ENKD1: variants seen among roughly 807,000 people sequenced by gnomAD.
The protein encoded by ENKD1 is enkurin domain-containing protein 1.
ENKD1 carries 39 observed loss-of-function variants against 35.8 expected under a neutral mutation model. The ratio of observed to expected loss-of-function variants is 1.09; its 90% CI spans 0.84 to 1.42. ENKD1 has a LOEUF of 1.42. ENKD1 is among the 40% of genes most tolerant of loss of function. The pLI, the probability that ENKD1 is intolerant of heterozygous loss-of-function variation, is 0.00. For missense variants in ENKD1, 474 were observed against 471.3 expected (o/e 1.01, Z -0.05); for synonymous variants, 205 against 198.6 (o/e 1.03, Z -0.27).
At chr16:67,663,880 C>G in intron 4 of ENKD1, 57 bp downstream of exon 4, 1 of 1,602,850 alleles carries the variant, frequency 6.2e-7, no homozygotes, top group Non-Finnish European at 8.5e-7. Context: ...CCCTGAACAC[C>G]CCCCCCACAC....
chr16:67,665,032 G>A lies in ENKD1; in HGVS notation c.417C>T (p.Tyr139=), dbSNP rs778430002. The A allele has an allele frequency of 9.9e-6, 16 of 1,612,652 alleles. No homozygotes were observed. Among genetic ancestry groups the A allele is most frequent in the East Asian group, 2.2e-5 (1 of 44,848 alleles). Residue 139 remains tyrosine, a synonymous_variant, in exon 3 of 7, where the codon TAC becomes TAT. Transcript: ENST00000243878. ...PLKALWRSPK[Y]DKVESRVKAQ... ...CCTTGACCCGGGACTCCACCTTGTCGTACTTGGGTGAGCGCCACAGAGCTT... is the reference window on the plus strand; with the variant it reads ...CCTTGACCCGGGACTCCACCTTGTCATACTTGGGTGAGCGCCACAGAGCTT...
rs1256160160 is a variant in ENKD1, at chr16:67,663,019, TG to T, written c.*141del. 2.6e-5 allele frequency: 25 copies of T among 971,772 alleles called. No homozygotes were observed. Among genetic ancestry groups the T allele is most frequent in the Non-Finnish European group, 3.7e-5 (25 of 671,422 alleles). 60.2% of individuals were successfully genotyped at this position (971,772 alleles called of 1,614,324 possible). A position where few individuals can be genotyped will look rare whatever the true frequency, so the allele number is the denominator to read the frequency against. On this transcript the variant is annotated 3_prime_UTR_variant, in exon 7 of 7. Coordinates refer to ENST00000243878, the MANE Select transcript of ENKD1 (RefSeq NM_032140.3). Reference sequence around the variant, plus strand: ...TGGCCCTTCTGCAGCCACTGGTGACTGGGAAGAGTGCTCTAGGGACACTGGC... The same window carrying T: ...TGGCCCTTCTGCAGCCACTGGTGACTGGAAGAGTGCTCTAGGGACACTGGC...
chr16:67,666,282 G>A lies in ENKD1; in HGVS notation c.86-17C>T, dbSNP rs1259783832. Reference sequence around the variant, plus strand: ...GCCCTTGAGCTGTGGGGCGGAGCCGGGCGGAGTCCGGGGCTCAGAGGTGGA... The same window carrying A: ...GCCCTTGAGCTGTGGGGCGGAGCCGAGCGGAGTCCGGGGCTCAGAGGTGGA... On this transcript the variant is annotated splice_polypyrimidine_tract_variant and intron_variant, in intron 1 of 6. Coordinates refer to ENST00000243878, the MANE Select transcript of ENKD1 (RefSeq NM_032140.3). The A allele has an allele frequency of 6.2e-7, 1 of 1,600,104 alleles. No homozygotes were observed. Among genetic ancestry groups the A allele is most frequent in the East Asian group, 2.2e-5 (1 of 44,634 alleles).
chr16:67,663,834 C>T lies in ENKD1; in HGVS notation c.580-14G>A. 2 of 1,603,220 alleles carry T rather than the reference C, an allele frequency of 1.2e-6. No homozygotes were observed. The highest frequency in any genetic ancestry group is 1.7e-6 in the Non-Finnish European group (2 of 1,174,744). On this transcript the variant is annotated splice_polypyrimidine_tract_variant and intron_variant, in intron 4 of 6. Coordinates refer to ENST00000243878, the MANE Select transcript of ENKD1 (RefSeq NM_032140.3). Reference sequence around the variant, plus strand: ...CAGGCCTGGCTCCTGCAGGACACAGCAAGCGTGGGTGGGGGCAGACAGCAT... The same window carrying T: ...CAGGCCTGGCTCCTGCAGGACACAGTAAGCGTGGGTGGGGGCAGACAGCAT...
intron 2 of ENKD1, 94 bp downstream of exon 2, chr16:67,665,977 C>G: frequency 7.3e-7 from 1 of 1,372,590 alleles, no homozygotes; most frequent in Admixed American, 2.2e-5. Flanking sequence ...AGATGCAAAG[C>G]CTGGGCCCAC....
In ENKD1 at chr16:67,663,168, T is replaced by G. The variant is rs1481687710; in HGVS notation, c.1034A>C (p.Asp345Ala). 1.2e-6 allele frequency: 2 copies of G among 1,613,976 alleles called. No homozygotes were observed. Among genetic ancestry groups the G allele is most frequent in the Non-Finnish European group, 1.7e-6 (2 of 1,180,014 alleles). ...FSRPKVFVKM[D>A]D is the part of the protein sequence containing the mutation. ...ACTGTCCCCCAAAGGGGCTCAGTCGTCCATCTTCACGAAGACTTTGGGCCG... is the reference window on the plus strand; with the variant it reads ...ACTGTCCCCCAAAGGGGCTCAGTCGGCCATCTTCACGAAGACTTTGGGCCG... The change falls in exon 7 of 7, where the codon GAC becomes GCC. Residue 345 changes from aspartate to alanine, a missense_variant. Coordinates refer to ENST00000243878, the MANE Select transcript of ENKD1 (RefSeq NM_032140.3).
In ENKD1 at chr16:67,666,663, C is replaced by T. The variant is rs1180858844; in HGVS notation, c.-221G>A. ...GCCCACTTCTCGGTCCCGCTCGCGG[C>T]CTCTCCCCCGCGGCACTCGGGCAGG... is the stretch of plus-strand genomic sequence containing the variant. On this transcript the variant is annotated 5_prime_UTR_variant, in exon 1 of 7. Coordinates refer to ENST00000243878, the MANE Select transcript of ENKD1 (RefSeq NM_032140.3). 1.2e-5 allele frequency: 6 copies of T among 509,074 alleles called. No individual in the cohort carries two copies. In the Admixed American group the frequency reaches 2.0e-4, roughly 17 times the overall value. The allele number at this position is 509,074 out of a possible 1,614,324, so 31.5% of individuals were successfully genotyped here.
intron 4 of ENKD1, 27 bp from the exon 5 acceptor site, chr16:67,663,847 G>A: frequency 1.2e-6 from 2 of 1,601,650 alleles, no homozygotes; most frequent in Non-Finnish European, 8.5e-7. Context: ...GCGTGGGTGG[G>A]GGCAGACAGC....
chr16:67,663,885 C>CA (rs1362402391), intron 4 of ENKD1, 52 bp downstream of exon 4: 5 of 1,604,316 alleles, frequency 3.1e-6, no homozygotes, highest in Middle Eastern at 1.6e-4. Context: ...AACACCCCCC[C>CA]CACACCAGGA....
Position 67,665,046 on chromosome 16 carries a change from G to A in ENKD1, c.403C>T (p.Arg135Cys), listed in dbSNP as rs771219753. Residue 135 changes from arginine to cysteine, a missense_variant, in exon 3 of 7, where the codon CGC becomes TGC. Coordinates refer to ENST00000243878, the MANE Select transcript of ENKD1 (RefSeq NM_032140.3). ...GQPRPLKALWRSPKYDKVESR... is the reference protein window; with the variant it reads ...GQPRPLKALWCSPKYDKVESR... ...TCCACCTTGTCGTACTTGGGTGAGC[G>A]CCACAGAGCTTTCAGGGGCCTGGGC... is the stretch of plus-strand genomic sequence containing the variant. 32 of 1,613,098 alleles carry A rather than the reference G, an allele frequency of 2.0e-5. No individual in the cohort carries two copies. The Admixed American group carries it at 3.2e-4, about 16-fold the overall frequency.
In ENKD1 at chr16:67,666,655, G is replaced by T; in HGVS notation, c.-213C>A. On this transcript the variant is annotated 5_prime_UTR_variant, in exon 1 of 7. Coordinates refer to ENST00000243878, the MANE Select transcript of ENKD1 (RefSeq NM_032140.3). ...TGCTCCCAGCCCACTTCTCGGTCCC[G>T]CTCGCGGCCTCTCCCCCGCGGCACT... is the stretch of plus-strand genomic sequence containing the variant. 2 of 511,142 alleles carry T rather than the reference G, an allele frequency of 3.9e-6. No homozygotes were observed. Among genetic ancestry groups the T allele is most frequent in the Non-Finnish European group, 6.7e-6 (2 of 298,218 alleles). 31.7% of individuals were successfully genotyped at this position (511,142 alleles called of 1,614,324 possible).
In ENKD1 at chr16:67,663,524, T is replaced by G; in HGVS notation, c.776A>C (p.Glu259Ala). ...CTGGCTCTGCTTGCGGGCCTCGGCCTCCCGCCGCCACAGGTCCCTGCGCTC... is the reference window on the plus strand; with the variant it reads ...CTGGCTCTGCTTGCGGGCCTCGGCCGCCCGCCGCCACAGGTCCCTGCGCTC... Reference protein sequence around the residue: ...LLERRDLWRREAEARKQSQPD... With the variant: ...LLERRDLWRRAAEARKQSQPD... Residue 259 changes from glutamate (E) to alanine (A), a missense_variant, in exon 6 of 7, where the codon GAG becomes GCG. Glu to Ala is a moderately radical substitution (Grantham distance 107). Coordinates refer to ENST00000243878, the MANE Select transcript of ENKD1 (RefSeq NM_032140.3). 1.2e-6 allele frequency: 2 copies of G among 1,611,840 alleles called. No individual in the cohort carries two copies. Among genetic ancestry groups the G allele is most frequent in the Non-Finnish European group, 1.7e-6 (2 of 1,179,630 alleles).
intron 1 of ENKD1, 26 bp from the exon 2 acceptor site, chr16:67,666,291 C>A (rs751622511): frequency 1.2e-6 from 2 of 1,600,204 alleles, no homozygotes. Flanking sequence ...GGGCGGAGTC[C>A]GGGGCTCAGA....
rs201008671 is a variant in ENKD1, at chr16:67,663,700, G to A, written c.700C>T (p.Gln234Ter). The change falls in exon 5 of 7, where the codon CAG becomes TAG. Residue 234 changes from glutamine to a stop codon, truncating the protein, a stop_gained. Coordinates refer to ENST00000243878, the MANE Select transcript of ENKD1 (RefSeq NM_032140.3). LOFTEE classifies it high-confidence loss of function. Reference sequence around the variant, plus strand: ...TTCTGCGTGGCATTGTAGTGCTCCTGGGCCTGCCGCTGCTGCTCTAGCACT... The same window carrying A: ...TTCTGCGTGGCATTGTAGTGCTCCTAGGCCTGCCGCTGCTGCTCTAGCACT... Reference protein sequence around the residue: ...AQVLEQQRQAQEHYNATQKGH... With the variant: ...AQVLEQQRQA The A allele has an allele frequency of 7.1e-5, 115 of 1,613,270 alleles. No homozygotes were observed. The highest frequency in any genetic ancestry group is 3.7e-4 in the Admixed American group (22 of 59,954).
intron 3 of ENKD1, chr16:67,664,471 G>A: frequency 2.8e-6 from 1 of 360,714 alleles, no homozygotes; most frequent in Non-Finnish European, 5.3e-6. Context: ...TCTGCTTCCT[G>A]GACACACTCC....
rs563169155 is a variant in ENKD1, at chr16:67,665,346, A to G, written c.281-178T>C. On this transcript the variant is annotated intron_variant, in intron 2 of 6. Coordinates refer to ENST00000243878, the MANE Select transcript of ENKD1 (RefSeq NM_032140.3). ...ACCGTGTTCCCTTCCTCATGTAGTA[A>G]GTATCACAGGATGATTTTCTCCATT... is the stretch of plus-strand genomic sequence containing the variant. Among the ~76,000 whole-genome samples the G allele has an allele frequency of 3.9e-5, 6 of 152,178 alleles. No individual in the cohort carries two copies. In the East Asian group the frequency reaches 1.2e-3, roughly 29 times the overall value.
chr16:67,664,290 ACT>A (rs1268670910), intron 3 of ENKD1: 8 of 628,770 alleles, frequency 1.3e-5, no homozygotes, highest in African/African-American at 1.8e-5. Flanking sequence ...CCCAGCTACC[ACT>A]CTCTTTCCTC....
chr16:67,664,180 C>A, intron 3 of ENKD1, 118 bp from the exon 4 acceptor site: 1 of 877,478 alleles, frequency 1.1e-6, no homozygotes. Context: ...GGCCCTCTTC[C>A]CTCTTCAAGG....
rs1393906470 is a variant in ENKD1, at chr16:67,663,687, T to C, written c.713A>G (p.Asn238Ser). The change falls in exon 5 of 7, where the codon AAT (asparagine) becomes AGT (serine). Residue 238 changes from asparagine to serine, a missense_variant. Physicochemically the swap from Asn to Ser is conservative, Grantham distance 46 (BLOSUM62 1). Coordinates refer to ENST00000243878, the MANE Select transcript of ENKD1 (RefSeq NM_032140.3). Reference sequence around the variant, plus strand: ...TGGCACATGGCCCTTCTGCGTGGCATTGTAGTGCTCCTGGGCCTGCCGCTG... The same window carrying C: ...TGGCACATGGCCCTTCTGCGTGGCACTGTAGTGCTCCTGGGCCTGCCGCTG... ...EQQRQAQEHY[N>S]ATQKGHVPHY... 2.5e-6 allele frequency: 4 copies of C among 1,613,220 alleles called. No individual in the cohort carries two copies. The highest frequency in any genetic ancestry group is 1.1e-5 in the South Asian group (1 of 90,994).
Sources: gnomAD v4.1 joint callset for allele counts (sites outside exome capture counted in the v4.1 genomes callset) on GRCh38, gnomAD v4.1.1 for gene constraint, MANE v1.5 for transcripts, NCBI Gene and HGNC (gene_info 2026-07-23, HGNC 2026-07-21) for gene names.